Variants in DNMBP observed in about 807,000 individuals in gnomAD.
DNMBP encodes dynamin binding protein.
Under a neutral mutation model 150.0 loss-of-function variants are expected in DNMBP, and 87 were observed. The ratio of observed to expected loss-of-function variants is 0.58; its 90% CI spans 0.49 to 0.69. DNMBP has a LOEUF of 0.69. DNMBP is among the 30% of genes least tolerant of loss of function. The probability of loss-of-function intolerance (pLI) is 0.00; values close to 1 mark genes in which losing one functional copy is unlikely to be tolerated. For synonymous variants in DNMBP, 711 were observed against 750.4 expected (o/e 0.95, Z 0.86); for missense variants, 1,774 against 1,949.0 (o/e 0.91, Z 1.69).
chr10:99,922,511 T>TTTG (rs1554864068), intron 4 of DNMBP, among the ~76,000 whole-genome samples: 1 of 99,722 alleles, frequency 1.0e-5, no homozygotes, highest in African/African-American at 4.1e-5. Flanking sequence ...TGTTTTTTTT[T>TTTG]TTTTTTTTTT....
At chr10:99,891,840 T>G in intron 11 of DNMBP, among the ~76,000 whole-genome samples, 1 of 145,944 alleles carries the variant, frequency 6.9e-6, no homozygotes, top group African/African-American at 2.6e-5. Flanking sequence ...ATCTGGGATG[T>G]GAGGAGCGCC....
intron 3 of DNMBP, among the ~76,000 whole-genome samples, chr10:99,967,218 G>A (rs2040628494): frequency 2.0e-5 from 3 of 152,014 alleles, no homozygotes; most frequent in African/African-American, 7.2e-5. Flanking sequence ...GGGCAACAAC[G>A]TGAGACCCTG....
chr10:99,949,512 T>G (rs2040396312), intron 4 of DNMBP, among the ~76,000 whole-genome samples: 1 of 152,186 alleles, frequency 6.6e-6, no homozygotes, highest in Non-Finnish European at 1.5e-5. Flanking sequence ...GATACACCTT[T>G]TATGAAGACA....
chr10:99,880,469 G>T, intron 15 of DNMBP, 108 bp from the exon 16 acceptor site: 1 of 1,387,110 alleles, frequency 7.2e-7, no homozygotes, highest in South Asian at 1.6e-5. Flanking sequence ...TCTGTAAAAT[G>T]AAGAGTAAAA....
At chr10:99,954,744 CAAAAAAA>C (rs751589220) in intron 4 of DNMBP, among the ~76,000 whole-genome samples, 4 of 48,816 alleles carry the variant, frequency 8.2e-5, no homozygotes, top group Admixed American at 2.2e-4. Context: ...AACTCTGTCT[CAAAAAAA>C]AAAAAAAAAA....
intron 1 of DNMBP, among the ~76,000 whole-genome samples, chr10:100,008,054 T>G (rs1170330676): frequency 6.6e-6 from 1 of 152,220 alleles, no homozygotes; most frequent in African/African-American, 2.4e-5. Flanking sequence ...ATTAGCTGAC[T>G]CTAGAAACAA....
intron 4 of DNMBP, chr10:99,931,004 T>C: frequency 2.4e-6 from 1 of 414,024 alleles, no homozygotes; most frequent in South Asian, 8.0e-5. Flanking sequence ...AATGAGTAAC[T>C]AGTATGCATG....
At chr10:99,983,053 T>C (rs888105396) in intron 1 of DNMBP, among the ~76,000 whole-genome samples, 8 of 152,268 alleles carry the variant, frequency 5.3e-5, no homozygotes, top group South Asian at 2.1e-4. Flanking sequence ...CTGTCTCTCC[T>C]TTCTTGCTTA....
intron 4 of DNMBP, among the ~76,000 whole-genome samples, chr10:99,920,475 G>A (rs1186499675): frequency 3.3e-5 from 5 of 152,214 alleles, no homozygotes; most frequent in African/African-American, 9.6e-5. Context: ...TTCGACTTTT[G>A]GGGATATATG....
At chr10:99,902,466 C>T (rs529132573) in intron 6 of DNMBP, among the ~76,000 whole-genome samples, 6 of 150,592 alleles carry the variant, frequency 4.0e-5, no homozygotes, top group Admixed American at 6.6e-5. Flanking sequence ...TGCGCCACCA[C>T]GCCTGGCTCA....
At chr10:99,885,615 C>A in intron 14 of DNMBP, 72 bp downstream of exon 14, 1 of 1,348,562 alleles carries the variant, frequency 7.4e-7, no homozygotes. Flanking sequence ...GGGATCTGGG[C>A]CTGGGGGCCT....
rs780148925 is a variant in DNMBP at position 99,956,910 on chromosome 10, C to T, written c.564G>A (p.Glu188=). 1.9e-6 allele frequency: 3 copies of T among 1,614,226 alleles called. No individual in the cohort carries two copies. In the South Asian group the frequency reaches 3.3e-5, roughly 18 times the overall value. The change falls in exon 4 of 17, where the codon GAG becomes GAA. Residue 188 remains glutamate (E), a synonymous_variant. Transcript: ENST00000324109. ...PEPGWFEGEL[E]GRRGIFPEGF... ...CTTCTGGAAAAATGCCTCTTCGGCC[C>T]TCTAACTCCCCTTCAAACCAGCCTG... is the stretch of plus-strand genomic sequence containing the variant.
chr10:99,911,494 C>T (rs1023941076), intron 4 of DNMBP, among the ~76,000 whole-genome samples: 4 of 151,908 alleles, frequency 2.6e-5, no homozygotes, highest in African/African-American at 9.7e-5. Context: ...AAAAAAAAAT[C>T]CATGTTCATA....
chr10:99,936,243 CAT>C (rs1180484728), intron 4 of DNMBP, among the ~76,000 whole-genome samples: 1 of 152,116 alleles, frequency 6.6e-6, no homozygotes, highest in Admixed American at 6.5e-5. Flanking sequence ...TTTCCAGAAA[CAT>C]ATACTGTGCT....
intron 6 of DNMBP, among the ~76,000 whole-genome samples, chr10:99,906,314 GT>G (rs2133240949): frequency 6.6e-6 from 1 of 152,260 alleles, no homozygotes; most frequent in Non-Finnish European, 1.5e-5. Context: ...TCTGGAAAAG[GT>G]TTGCAAACTC....
intron 2 of DNMBP, 76 bp from the exon 3 acceptor site, chr10:99,969,313 T>C: frequency 6.7e-7 from 1 of 1,501,710 alleles, no homozygotes; most frequent in Non-Finnish European, 9.2e-7. Context: ...ACAAAAACTT[T>C]TCTTCTGAGT....
chr10:99,878,080 G>A (rs1347058446), intron 16 of DNMBP, among the ~76,000 whole-genome samples: 2 of 152,186 alleles, frequency 1.3e-5, no homozygotes, highest in Non-Finnish European at 2.9e-5. Flanking sequence ...TCCAGCCTGG[G>A]CAACAGAGCA....
At chr10:99,997,629 T>A (rs2040962737) in intron 1 of DNMBP, among the ~76,000 whole-genome samples, 1 of 152,002 alleles carries the variant, frequency 6.6e-6, no homozygotes, top group East Asian at 1.9e-4. Flanking sequence ...CTTCAACAAA[T>A]AAATTACAAG....
intron 4 of DNMBP, chr10:99,929,652 G>A (rs1245473936): frequency 1.6e-5 from 11 of 701,486 alleles, no homozygotes; most frequent in Non-Finnish European, 2.9e-5. Context: ...GCGCCTCAGG[G>A]TGCTGGGTGC....
Sources: gnomAD v4.1 joint callset for allele counts (sites outside exome capture counted in the v4.1 genomes callset) on GRCh38, gnomAD v4.1.1 for gene constraint, MANE v1.5 for transcripts, NCBI Gene and HGNC (gene_info 2026-07-23, HGNC 2026-07-21) for gene names.